Variants in MAP2K1 observed in about 807,000 individuals in gnomAD.
MAP2K1 encodes dual specificity mitogen-activated protein kinase kinase 1.
MAP2K1 carries 16 observed loss-of-function variants against 46.3 expected under a neutral mutation model. The observed-to-expected ratio is 0.35, with a 90% CI of 0.23 to 0.52. MAP2K1 has a LOEUF of 0.52. MAP2K1 is among the 20% of genes least tolerant of loss of function. The probability of loss-of-function intolerance (pLI) is 0.94; values close to 1 mark genes in which losing one functional copy is unlikely to be tolerated. For synonymous variants in MAP2K1, 183 were observed against 185.6 expected (o/e 0.99, Z 0.11); for missense variants, 263 against 497.1 (o/e 0.53, Z 4.48).
chr15:66,446,082 G>A (rs939559928), intron 5 of MAP2K1, among the ~76,000 whole-genome samples: 2 of 152,116 alleles, frequency 1.3e-5, no homozygotes, highest in East Asian at 1.9e-4. Flanking sequence ...AAAATTAGCC[G>A]GGCGTGGTGG....
At position 66,484,005 on chromosome 15, in the gene MAP2K1, C is replaced by T. The variant is rs916760162; in HGVS notation, c.694-985C>T. Among the ~76,000 whole-genome samples the T allele has an allele frequency of 2.6e-5, 4 of 152,230 alleles. No individual in the cohort carries two copies. In the East Asian group the frequency reaches 7.7e-4, roughly 29 times the overall value. ...CCTTGTGATCCACCCACCTCGGCCT[C>T]CCAAAGTGCTGGGGTTACAGGCATG... On this transcript the variant is annotated intron_variant, in intron 6 of 10. Coordinates refer to ENST00000307102, the MANE Select transcript of MAP2K1 (RefSeq NM_002755.4).
At chr15:66,396,992 C>CTTTT (rs2093369293) in intron 1 of MAP2K1, among the ~76,000 whole-genome samples, 1 of 117,618 alleles carries the variant, frequency 8.5e-6, no homozygotes, top group African/African-American at 3.4e-5. Flanking sequence ...GCCTGTAACG[C>CTTTT]TTCTTTTTTT....
At chr15:66,402,536 G>C (rs73469990) in intron 1 of MAP2K1, among the ~76,000 whole-genome samples, 1 of 152,086 alleles carries the variant, frequency 6.6e-6, no homozygotes, top group Non-Finnish European at 1.5e-5. Flanking sequence ...AGCAATTTTC[G>C]TGGGGTATCT....
At position 66,387,432 on chromosome 15, in the gene MAP2K1, G is replaced by A. The variant is rs1323586771; in HGVS notation, c.80+5G>A. 3 of 1,554,258 alleles carry A rather than the reference G, an allele frequency of 1.9e-6. No individual in the cohort carries two copies. In the East Asian group the frequency reaches 7.2e-5, roughly 38 times the overall value. The stretch of plus-strand genomic sequence containing the variant: ...TAACGGGACCAGCTCTGCGGAGTAA[G>A]TATGGGGCGGGCGGTGAACCTCGGG... On this transcript the variant is annotated splice_donor_5th_base_variant and intron_variant, in intron 1 of 10. Coordinates refer to ENST00000307102, the MANE Select transcript of MAP2K1 (RefSeq NM_002755.4).
At chr15:66,449,803 C>T (rs535290752) in intron 5 of MAP2K1, among the ~76,000 whole-genome samples, 1 of 152,178 alleles carries the variant, frequency 6.6e-6, no homozygotes, top group Non-Finnish European at 1.5e-5. Context: ...ATGGCTTGAA[C>T]CTGGGAGGCA....
intron 8 of MAP2K1, 65 bp downstream of exon 8, chr15:66,487,357 G>A: frequency 6.7e-7 from 1 of 1,490,624 alleles, no homozygotes; most frequent in Non-Finnish European, 9.4e-7. Flanking sequence ...ACACCCAGGT[G>A]GCCGGGTGCA....
intron 1 of MAP2K1, among the ~76,000 whole-genome samples, chr15:66,416,103 T>C (rs998640077): frequency 2.6e-5 from 4 of 152,198 alleles, no homozygotes; most frequent in African/African-American, 9.7e-5. Context: ...ATGCATCCAC[T>C]CTCAGGATAT....
intron 5 of MAP2K1, among the ~76,000 whole-genome samples, chr15:66,460,718 G>C (rs1567017860): frequency 6.6e-6 from 1 of 152,174 alleles, no homozygotes; most frequent in African/African-American, 2.4e-5. Flanking sequence ...GTGAGCTGGA[G>C]AGGGGAGAGG....
At chr15:66,425,875 G>T (rs1184024968) in intron 1 of MAP2K1, among the ~76,000 whole-genome samples, 4 of 152,228 alleles carry the variant, frequency 2.6e-5, no homozygotes, top group Admixed American at 2.6e-4. Context: ...ACAATTAAGA[G>T]ACAACACTTT....
intron 9 of MAP2K1, 175 bp downstream of exon 9, chr15:66,489,451 G>A (rs910053044): frequency 4.3e-6 from 3 of 705,750 alleles, no homozygotes; most frequent in Non-Finnish European, 7.6e-6. Context: ...GACTTATGTG[G>A]CATGTCTAAC....
At chr15:66,399,540 G>A (rs1054516697) in intron 1 of MAP2K1, among the ~76,000 whole-genome samples, 10 of 149,618 alleles carry the variant, frequency 6.7e-5, no homozygotes, top group African/African-American at 1.7e-4. Context: ...CAGCCTCACC[G>A]TCTGGGCTCA....
chr15:66,421,121 C>T (rs1555414811), intron 1 of MAP2K1, among the ~76,000 whole-genome samples: 1 of 115,440 alleles, frequency 8.7e-6, no homozygotes, highest in Admixed American at 8.5e-5. Flanking sequence ...CACACACACA[C>T]ACACATATAT....
At position 66,420,763 on chromosome 15, in the gene MAP2K1, GTGTGTATATATATGTGTATA is replaced by G. The variant is rs1265222556; in HGVS notation, c.81-14262_81-14243del. 1.4e-3 allele frequency among the ~76,000 whole-genome samples: 62 copies of G among 43,650 alleles called. 7 individuals carry two copies. Among genetic ancestry groups the G allele is most frequent in the Middle Eastern group, 0.022 (2 of 92 alleles). 28.6% of individuals were successfully genotyped at this position (43,650 alleles called of 152,430 possible). On this transcript the variant is annotated intron_variant, in intron 1 of 10. Coordinates refer to ENST00000307102, the MANE Select transcript of MAP2K1 (RefSeq NM_002755.4). ...TGTGTGTGTGTGTGTGTGTGTGTAT[GTGTGTATATATATGTGTATA>G]TATATGTGTGTATATATATGTGTAT...
Position 66,490,358 on chromosome 15 carries a change from C to T in MAP2K1, c.1069-144C>T, listed in dbSNP as rs76511608. On this transcript the variant is annotated intron_variant, in intron 10 of 10. Coordinates refer to ENST00000307102, the MANE Select transcript of MAP2K1 (RefSeq NM_002755.4). ...AGGTCTTTGGGCCTGCAGCTGGCCC[C>T]ACTGTTGCTCAGGGGCAGGTGCCAG... The T allele has an allele frequency of 2.0e-4, 148 of 750,228 alleles. No homozygotes were observed. The African/African-American group carries it at 2.3e-3, about 12-fold the overall frequency. 46.5% of individuals were successfully genotyped at this position (750,228 alleles called of 1,614,324 possible).
intron 1 of MAP2K1, among the ~76,000 whole-genome samples, chr15:66,421,596 T>G (rs567504254): frequency 6.6e-6 from 1 of 151,716 alleles, no homozygotes; most frequent in Non-Finnish European, 1.5e-5. Context: ...AGGTCAGGAA[T>G]TGGGGACGAG....
chr15:66,402,220 A>G (rs6494571), intron 1 of MAP2K1, among the ~76,000 whole-genome samples: 2 of 152,138 alleles, frequency 1.3e-5, no homozygotes, highest in African/African-American at 4.8e-5. Flanking sequence ...TGTCATCTCT[A>G]CACAACTAGC....
At chr15:66,453,686 AT>A (rs1268990766) in intron 5 of MAP2K1, 2 of 600,264 alleles carry the variant, frequency 3.3e-6, no homozygotes, top group Non-Finnish European at 6.0e-6. Flanking sequence ...AACTTCATTT[AT>A]TCTTCTGTCC....
intron 2 of MAP2K1, among the ~76,000 whole-genome samples, 157 bp from the exon 3 acceptor site, chr15:66,436,589 C>T (rs1453475790): frequency 1.3e-5 from 2 of 152,238 alleles, no homozygotes; most frequent in African/African-American, 4.8e-5. Context: ...AGTACAATGA[C>T]ACTCATTTCT....
intron 9 of MAP2K1, chr15:66,489,504 C>G (rs1893167338): frequency 1.5e-6 from 1 of 667,138 alleles, no homozygotes; most frequent in Admixed American, 2.4e-5. Flanking sequence ...TACTTGCTCT[C>G]CAGGGATTGG....
Sources: gnomAD v4.1 joint callset for allele counts (sites outside exome capture counted in the v4.1 genomes callset) on GRCh38, gnomAD v4.1.1 for gene constraint, MANE v1.5 for transcripts, NCBI Gene and HGNC (gene_info 2026-07-23, HGNC 2026-07-21) for gene names.